ANKIB1: variants seen among roughly 807,000 people sequenced by gnomAD.
ANKIB1 encodes the protein ankyrin repeat and IBR domain containing 1.
In ANKIB1, 43 loss-of-function variants were observed where a neutral mutation model predicts 122.1. The ratio of observed to expected loss-of-function variants is 0.35; its 90% confidence interval spans 0.28 to 0.45. ANKIB1 has a LOEUF of 0.45. ANKIB1 is among the 20% of genes least tolerant of loss of function. The pLI, the probability that ANKIB1 is intolerant of heterozygous loss-of-function variation, is 1.00. For missense variants in ANKIB1, 992 were observed against 1,329.5 expected, an observed-to-expected ratio of 0.75 and a Z score of 3.95; for synonymous variants, 390 against 442.0, an observed-to-expected ratio of 0.88 and a Z score of 1.48.
In ANKIB1 at chr7:92,362,003, G is replaced by T. The variant is rs1233626244; in HGVS notation, c.1398-182G>T. ...TTTTTGTATTTTTAGTAGAGACGGG[G>T]TTTCACCATATTGGCCAGGCTGGTC... On this transcript the variant is annotated intron_variant, in intron 9 of 19. Coordinates refer to ENST00000265742, the MANE Select transcript of ANKIB1 (RefSeq NM_019004.2). 2.0e-5 allele frequency among the ~76,000 whole-genome samples: 3 copies of T among 151,844 alleles called. No individual in the cohort carries two copies. In the East Asian group the frequency reaches 5.8e-4, roughly 29 times the overall value.
chr7:92,364,537 C>T (rs1320814924), intron 10 of ANKIB1, among the ~76,000 whole-genome samples: 1 of 152,088 alleles, frequency 6.6e-6, no homozygotes, highest in Non-Finnish European at 1.5e-5. Flanking sequence ...CTTCTGGCAG[C>T]TAGAAATATT....
At chr7:92,343,867 G>A (rs1250452624) in intron 6 of ANKIB1, among the ~76,000 whole-genome samples, 1 of 151,930 alleles carries the variant, frequency 6.6e-6, no homozygotes, top group African/African-American at 2.4e-5. Flanking sequence ...CAAAATAAGT[G>A]TTTTATTATT....
In ANKIB1 at chr7:92,294,898, G is replaced by A. The variant is rs1802322621; in HGVS notation, c.-81G>A. On this transcript the variant is annotated 5_prime_UTR_variant, in exon 2 of 20. Coordinates refer to ENST00000265742, the MANE Select transcript of ANKIB1 (RefSeq NM_019004.2). ...ACTTTTCCTTCATTAGAATGTGAAA[G>A]ATGTTGCAGAAGTGTTCCAGAAGTG... is the stretch of plus-strand genomic sequence containing the variant. 4.2e-6 allele frequency: 4 copies of A among 949,034 alleles called. No homozygotes were observed. The South Asian group carries it at 9.5e-5, about 22-fold the overall frequency. The allele number at this position is 949,034 out of a possible 1,614,324, so 58.8% of individuals were successfully genotyped here. A position where few individuals can be genotyped will look rare whatever the true frequency, so the allele number is the denominator to read the frequency against.
intron 2 of ANKIB1, among the ~76,000 whole-genome samples, chr7:92,296,180 TA>T (rs1475224634): frequency 6.6e-6 from 1 of 151,902 alleles, no homozygotes; most frequent in Non-Finnish European, 1.5e-5. Flanking sequence ...TGGCCAGGAG[TA>T]TCCCCCTCTT....
At chr7:92,284,139 G>C (rs1054459565) in intron 1 of ANKIB1, among the ~76,000 whole-genome samples, 1 of 152,128 alleles carries the variant, frequency 6.6e-6, no homozygotes, top group Non-Finnish European at 1.5e-5. Context: ...CATTTAAACT[G>C]TACCTTAAGT....
intron 3 of ANKIB1, among the ~76,000 whole-genome samples, chr7:92,316,377 C>T (rs781570774): frequency 1.3e-5 from 2 of 152,198 alleles, no homozygotes; most frequent in Non-Finnish European, 2.9e-5. Flanking sequence ...GTGTTCCTGA[C>T]TTTATGCCGT....
intron 11 of ANKIB1, among the ~76,000 whole-genome samples, chr7:92,374,212 C>T (rs1406410565): frequency 6.6e-6 from 1 of 152,194 alleles, no homozygotes; most frequent in Non-Finnish European, 1.5e-5. Context: ...CATGGTGGCT[C>T]ACGCCTGTAA....
intron 1 of ANKIB1, among the ~76,000 whole-genome samples, chr7:92,253,850 C>T (rs1801382456): frequency 6.6e-6 from 1 of 152,138 alleles, no homozygotes; most frequent in African/African-American, 2.4e-5. Context: ...AGGCATTCTT[C>T]TTTGCAGTGT....
In ANKIB1 at chr7:92,398,249, T is replaced by G. The variant is rs775829945; in HGVS notation, c.2570T>G (p.Leu857Arg). ...TTGGATGAAGACGATCCCAATATAC[T>G]TCTTGCAATACAGTTATCACTGCAA... ...SSLDEDDPNI[L>R]LAIQLSLQES... The change falls in exon 20 of 20, where the codon CTT becomes CGT. Residue 857 changes from leucine to arginine, a missense_variant. Physicochemically the swap from Leu to Arg is moderately radical, Grantham distance 102. Transcript: ENST00000265742. The G allele has an allele frequency of 5.6e-6, 9 of 1,611,416 alleles. 1 individual carries two copies. In the South Asian group the frequency reaches 8.8e-5, roughly 16 times the overall value.
chr7:92,370,508 CAAAAAAAA>C (rs34318038), intron 10 of ANKIB1, among the ~76,000 whole-genome samples: 56 of 32,972 alleles, frequency 1.7e-3, no homozygotes, highest in South Asian at 2.3e-3. Context: ...ACTCTTGTCT[CAAAAAAAA>C]AAAAAAAAAA....
At chr7:92,387,270 A>T (rs73414066) in intron 12 of ANKIB1, among the ~76,000 whole-genome samples, 9 of 152,074 alleles carry the variant, frequency 5.9e-5, no homozygotes, top group African/African-American at 2.2e-4. Flanking sequence ...AGTCACATAG[A>T]GGGTAGGGCT....
chr7:92,301,248 A>G (rs1328607833), intron 2 of ANKIB1, among the ~76,000 whole-genome samples: 1 of 152,108 alleles, frequency 6.6e-6, no homozygotes, highest in Non-Finnish European at 1.5e-5. Flanking sequence ...TTCTGTTTTT[A>G]ATGTTTTACT....
At chr7:92,253,055 CAT>C (rs1004750816) in intron 1 of ANKIB1, among the ~76,000 whole-genome samples, 4 of 152,266 alleles carry the variant, frequency 2.6e-5, no homozygotes, top group African/African-American at 9.6e-5. Flanking sequence ...TATACACACA[CAT>C]AGGCAAAACA....
At chr7:92,382,209 C>A (rs1418952417) in intron 11 of ANKIB1, among the ~76,000 whole-genome samples, 2 of 152,078 alleles carry the variant, frequency 1.3e-5, no homozygotes, top group East Asian at 1.9e-4. Flanking sequence ...TATATATGCA[C>A]CCAATACAGG....
intron 11 of ANKIB1, among the ~76,000 whole-genome samples, chr7:92,382,201 T>C (rs1450957295): frequency 6.6e-6 from 1 of 152,094 alleles, no homozygotes; most frequent in African/African-American, 2.4e-5. Flanking sequence ...ATCCTAAATA[T>C]ATATGCACCC....
intron 4 of ANKIB1, among the ~76,000 whole-genome samples, 159 bp from the exon 5 acceptor site, chr7:92,327,623 AC>A (rs1443459500): frequency 6.6e-6 from 1 of 151,124 alleles, no homozygotes; most frequent in Non-Finnish European, 1.5e-5. Flanking sequence ...TATAGACACA[AC>A]CTTTTTTTTT....
rs537111287 is a variant in ANKIB1 at position 92,332,524 on chromosome 7, A to T, written c.787+4624A>T. ...AATTTTAAGAAGGACTATGTTAGGA[A>T]TACAAAGGTCATTTTCTGAGTATTT... On this transcript the variant is annotated intron_variant, in intron 5 of 19. Coordinates refer to ENST00000265742, the MANE Select transcript of ANKIB1 (RefSeq NM_019004.2). 2.0e-5 allele frequency among the ~76,000 whole-genome samples: 3 copies of T among 152,350 alleles called. No homozygotes were observed. In the South Asian group the frequency reaches 6.2e-4, roughly 32 times the overall value.
At chr7:92,277,597 G>A (rs896092285) in intron 1 of ANKIB1, among the ~76,000 whole-genome samples, 2 of 152,166 alleles carry the variant, frequency 1.3e-5, no homozygotes, top group African/African-American at 4.8e-5. Context: ...GCATGTCCAT[G>A]TTACGAGTTC....
Position 92,275,993 on chromosome 7 carries a change from A to G in ANKIB1, c.-90-18896A>G. 2.0e-5 allele frequency among the ~76,000 whole-genome samples: 3 copies of G among 152,336 alleles called. No homozygotes were observed. The South Asian group carries it at 6.2e-4, about 32-fold the overall frequency. ...AACCTTATATACACATACACATGCC[A>G]TATGTCTTTGTGTGTGGTATATCTA... On this transcript the variant is annotated intron_variant, in intron 1 of 19. Coordinates refer to ENST00000265742, the MANE Select transcript of ANKIB1 (RefSeq NM_019004.2).
Sources: allele counts gnomAD v4.1 joint callset (sites outside exome capture counted in the v4.1 genomes callset), GRCh38; gene constraint gnomAD v4.1.1; transcripts MANE v1.5; gene names NCBI Gene and HGNC (gene_info 2026-07-23, HGNC 2026-07-21).